TAF4B: variants seen among roughly 807,000 people sequenced by gnomAD.
The protein encoded by TAF4B is transcription initiation factor TFIID subunit 4B.
Under a neutral mutation model 86.4 loss-of-function variants are expected in TAF4B, and 38 were observed. The ratio of observed to expected loss-of-function variants is 0.44; its 90% confidence interval spans 0.34 to 0.58. The LOEUF (loss-of-function observed/expected upper bound fraction) is 0.58. Ranked by LOEUF, TAF4B falls within the 20% of genes least tolerant of loss-of-function variation. The probability of loss-of-function intolerance (pLI) is 0.02; values close to 1 mark genes in which losing one functional copy is unlikely to be tolerated. For missense variants in TAF4B, 988 were observed against 1,027.6 expected (o/e 0.96, Z 0.53); for synonymous variants, 388 against 391.2 (o/e 0.99, Z 0.10).
At chr18:26,299,347 T>C (rs2056704062) in intron 9 of TAF4B, among the ~76,000 whole-genome samples, 1 of 152,208 alleles carries the variant, frequency 6.6e-6, no homozygotes, top group South Asian at 2.1e-4. Flanking sequence ...TATTCTAGGA[T>C]CATGAATTAC....
At chr18:26,240,812 C>G (rs1232579387) in intron 1 of TAF4B, among the ~76,000 whole-genome samples, 1 of 152,168 alleles carries the variant, frequency 6.6e-6, no homozygotes, top group African/African-American at 2.4e-5. Flanking sequence ...TGAAGTTTGT[C>G]AAAGGCCTTT....
At chr18:26,346,761 A>ATATATATATATATATGTGTG (rs2057184811) in intron 13 of TAF4B, among the ~76,000 whole-genome samples, 1 of 22,602 alleles carries the variant, frequency 4.4e-5, no homozygotes, top group Non-Finnish European at 1.2e-4. Flanking sequence ...ATATGTGTGT[A>ATATATATATATATATGTGTG]TATATATATA....
chr18:26,350,633 G>T (rs775266395), intron 13 of TAF4B, among the ~76,000 whole-genome samples: 15 of 152,104 alleles, frequency 9.9e-5, no homozygotes, highest in Non-Finnish European at 1.6e-4. Flanking sequence ...CCATGATCAT[G>T]GTACTACATA....
At chr18:26,292,499 A>G in intron 8 of TAF4B, 118 bp downstream of exon 8, 1 of 1,073,158 alleles carries the variant, frequency 9.3e-7, no homozygotes, top group Non-Finnish European at 1.3e-6. Context: ...GTTGGCACCC[A>G]TTGAGAGAAA....
chr18:26,299,623 T>C (rs1224959019), intron 9 of TAF4B, among the ~76,000 whole-genome samples: 1 of 152,184 alleles, frequency 6.6e-6, no homozygotes, highest in East Asian at 1.9e-4. Flanking sequence ...AATGTATGAA[T>C]GAATTTACCA....
Position 26,357,714 on chromosome 18 carries a change from A to G in TAF4B, c.2341A>G (p.Ile781Val). ...GTTACAGCAATTGGAACTTGCACAG[A>G]TACAGCATAGAGACGCTAATCTCAC... ...KELQQLELAQ[I>V]QHRDANLTAL... The change falls in exon 14 of 15, where the codon ATA becomes GTA. Residue 781 changes from isoleucine (I) to valine (V), a missense_variant. Around this residue, in one of 3 missense-constraint regions of TAF4B, gnomAD observed 216 missense variants for 238.4 expected, o/e 0.91. Coordinates refer to ENST00000269142, the MANE Select transcript of TAF4B (RefSeq NM_005640.3). 6.2e-7 allele frequency: 1 copy of G among 1,612,056 alleles called. No individual in the cohort carries two copies. The highest frequency in any genetic ancestry group is 8.5e-7 in the Non-Finnish European group (1 of 1,179,020).
chr18:26,274,891 T>C lies in TAF4B; in HGVS notation c.760-40T>C, dbSNP rs2056365050. ...AAGTTCTTTTGAATTGTTTGCTCACTAACACTTGTGTTTGCTTATATTTAC... is the reference window on the plus strand; with the variant it reads ...AAGTTCTTTTGAATTGTTTGCTCACCAACACTTGTGTTTGCTTATATTTAC... On this transcript the variant is annotated intron_variant, in intron 4 of 14. Coordinates refer to ENST00000269142, the MANE Select transcript of TAF4B (RefSeq NM_005640.3). The C allele has an allele frequency of 1.9e-6, 3 of 1,612,652 alleles. No homozygotes were observed. In the African/African-American group the frequency reaches 4.0e-5, roughly 22 times the overall value.
At chr18:26,269,970 A>T (rs1321827300) in intron 3 of TAF4B, among the ~76,000 whole-genome samples, 1 of 152,248 alleles carries the variant, frequency 6.6e-6, no homozygotes, top group Non-Finnish European at 1.5e-5. Flanking sequence ...GATAGCTACT[A>T]TCATATTGTT....
At chr18:26,245,070 TAGAG>T (rs1196018663) in intron 1 of TAF4B, among the ~76,000 whole-genome samples, 7 of 152,074 alleles carry the variant, frequency 4.6e-5, no homozygotes, top group Admixed American at 6.5e-5. Context: ...CTGGGGTTGT[TAGAG>T]AGCCCTTTCC....
intron 9 of TAF4B, among the ~76,000 whole-genome samples, chr18:26,299,210 T>G (rs925148721): frequency 6.6e-6 from 1 of 152,116 alleles, no homozygotes; most frequent in Non-Finnish European, 1.5e-5. Context: ...TCAGAGAAAC[T>G]TCTCTAGTAA....
At chr18:26,330,308 G>T (rs575565236) in intron 12 of TAF4B, among the ~76,000 whole-genome samples, 1 of 152,074 alleles carries the variant, frequency 6.6e-6, no homozygotes, top group South Asian at 2.1e-4. Context: ...CATTTATTTT[G>T]TTGCTCAAAT....
chr18:26,318,437 CT>C (rs2056932823), intron 10 of TAF4B, among the ~76,000 whole-genome samples: 1 of 151,458 alleles, frequency 6.6e-6, no homozygotes, highest in African/African-American at 2.4e-5. Flanking sequence ...AATAAAATTC[CT>C]TCCTTGTAGA....
chr18:26,279,206 C>T (rs1364786750), intron 5 of TAF4B, among the ~76,000 whole-genome samples: 1 of 152,048 alleles, frequency 6.6e-6, no homozygotes, highest in Non-Finnish European at 1.5e-5. Flanking sequence ...TTTCAAAAAT[C>T]AGCATTTCTA....
At chr18:26,232,037 A>G (rs1017110896) in intron 1 of TAF4B, among the ~76,000 whole-genome samples, 2 of 151,976 alleles carry the variant, frequency 1.3e-5, no homozygotes, top group African/African-American at 2.4e-5. Context: ...TAGAGCGCTG[A>G]TTGGTGCATT....
intron 12 of TAF4B, among the ~76,000 whole-genome samples, chr18:26,329,528 A>G (rs145248411): frequency 2.6e-5 from 4 of 152,242 alleles, no homozygotes; most frequent in African/African-American, 9.6e-5. Context: ...AGGAATTTGT[A>G]TTTCATGTAG....
At chr18:26,305,272 T>A (rs1283951895) in intron 9 of TAF4B, among the ~76,000 whole-genome samples, 1 of 152,246 alleles carries the variant, frequency 6.6e-6, no homozygotes, top group African/African-American at 2.4e-5. Flanking sequence ...TAAATTTTCC[T>A]CAAATGAATT....
At chr18:26,343,933 C>A (rs1198967317) in intron 13 of TAF4B, among the ~76,000 whole-genome samples, 3 of 152,238 alleles carry the variant, frequency 2.0e-5, no homozygotes, top group Admixed American at 1.3e-4. Context: ...TAGGAAGAGA[C>A]AATCAACAGA....
At chr18:26,326,877 A>G in intron 11 of TAF4B, 138 bp from the exon 12 acceptor site, 1 of 1,019,574 alleles carries the variant, frequency 9.8e-7, no homozygotes. Context: ...GCTTAATAGA[A>G]ACAAAATCAT....
At chr18:26,367,680 A>C (rs1269915795) in intron 14 of TAF4B, among the ~76,000 whole-genome samples, 1 of 152,222 alleles carries the variant, frequency 6.6e-6, no homozygotes, top group African/African-American at 2.4e-5. Flanking sequence ...TTGGCACATA[A>C]AATTAACCAT....
Sources: gnomAD v4.1 joint callset for allele counts (sites outside exome capture counted in the v4.1 genomes callset) on GRCh38, gnomAD v4.1.1 for gene constraint, gnomAD v4.1.1 regional missense constraint, MANE v1.5 for transcripts, NCBI Gene and HGNC (gene_info 2026-07-23, HGNC 2026-07-21) for gene names.